Variants in SPPL2B observed in about 807,000 individuals in gnomAD.
SPPL2B encodes signal peptide peptidase-like 2B.
SPPL2B carries 39 observed loss-of-function variants against 59.7 expected under a neutral mutation model. The ratio of observed to expected loss-of-function variants is 0.65; its 90% CI spans 0.51 to 0.85. The LOEUF (loss-of-function observed/expected upper bound fraction) is 0.85. Ranked by LOEUF, SPPL2B falls within the 40% of genes least tolerant of loss-of-function variation. The pLI, the probability that SPPL2B is intolerant of heterozygous loss-of-function variation, is 0.00. For synonymous variants in SPPL2B, 419 were observed against 370.8 expected, an observed-to-expected ratio of 1.13 and a Z score of -1.49; for missense variants, 865 against 849.0, an observed-to-expected ratio of 1.02 and a Z score of -0.23.
In SPPL2B at chr19:2,344,683, C is replaced by G. The variant is rs370119472; in HGVS notation, c.1276+31C>G. 3.5e-6 allele frequency: 5 copies of G among 1,434,658 alleles called. No homozygotes were observed. The African/African-American group carries it at 7.0e-5, about 20-fold the overall frequency. The allele number at this position is 1,434,658 out of a possible 1,614,324, so 88.9% of individuals were successfully genotyped here. On this transcript the variant is annotated intron_variant, in intron 12 of 14. Transcript: ENST00000613503. Reference sequence around the variant, plus strand: ...GAGGCGGGTGGAGCACACGGGTCCACGCTGTGGGGCAGGGCCCCGGGCGGC... The same window carrying G: ...GAGGCGGGTGGAGCACACGGGTCCAGGCTGTGGGGCAGGGCCCCGGGCGGC...
intron 13 of SPPL2B, among the ~76,000 whole-genome samples, chr19:2,350,387 G>A (rs12983760): frequency 0.63 from 86,140 of 136,440 alleles, 28,546 homozygotes; most frequent in Non-Finnish European, 0.75. Context: ...ACACACACTC[G>A]CGTTCTCATT....
intron 1 of SPPL2B, 114 bp downstream of exon 1, chr19:2,328,889 G>A (rs544787565): frequency 1.9e-4 from 174 of 940,300 alleles, no homozygotes; most frequent in Non-Finnish European, 2.3e-4. Flanking sequence ...TCCAGCCTCG[G>A]GGATCCGCCG....
chr19:2,344,089 C>G, intron 10 of SPPL2B, 50 bp downstream of exon 10: 2 of 1,292,488 alleles, frequency 1.5e-6, no homozygotes, highest in Non-Finnish European at 2.1e-6. Context: ...CTCCCCCGCC[C>G]CCTCGCAACC....
Position 2,351,565 on chromosome 19 carries a change from G to A in SPPL2B, c.1486G>A (p.Gly496Ser), listed in dbSNP as rs1229983452. Residue 496 changes from glycine to serine, a missense_variant, in exon 14 of 15, where the codon GGC becomes AGC. Coordinates refer to ENST00000613503, the MANE Select transcript of SPPL2B (RefSeq NM_152988.3). ...TGTGGCGCTCTGGCGCCGGGAGCTG[G>A]GCGTGTTCTGGACGGGCAGCGGCTT... ...CAVALWRREL[G>S]VFWTGSGFAK... The A allele has an allele frequency of 6.2e-7, 1 of 1,611,282 alleles. No homozygotes were observed. Among genetic ancestry groups the A allele is most frequent in the Admixed American group, 1.7e-5 (1 of 59,988 alleles).
intron 9 of SPPL2B, 50 bp from the exon 10 acceptor site, chr19:2,343,915 G>C: frequency 3.6e-6 from 5 of 1,399,964 alleles, no homozygotes; most frequent in Non-Finnish European, 3.9e-6. Flanking sequence ...GATGGGAGTG[G>C]GGGAGGCACG....
At position 2,334,587 on chromosome 19, in the gene SPPL2B, G is replaced by T; in HGVS notation, c.67-15G>T. On this transcript the variant is annotated splice_polypyrimidine_tract_variant and intron_variant, in intron 1 of 14. Transcript: ENST00000613503. ...GTCCCGTGCTGTGGCTCTGACTGCT[G>T]GCCTTGTCCTGCAGGTGGCCTGTGA... 6.2e-7 allele frequency: 1 copy of T among 1,604,918 alleles called. No homozygotes were observed. The highest frequency in any genetic ancestry group is 8.5e-7 in the Non-Finnish European group (1 of 1,176,272).
At chr19:2,331,049 T>C (rs1043628243) in intron 1 of SPPL2B, among the ~76,000 whole-genome samples, 2 of 152,162 alleles carry the variant, frequency 1.3e-5, no homozygotes, top group Non-Finnish European at 2.9e-5. Flanking sequence ...CTCAACTCGC[T>C]TGCTTGCTAC....
Position 2,332,547 on chromosome 19 carries a change from G to A in SPPL2B, c.67-2055G>A, listed in dbSNP as rs1968340633. Among the ~76,000 whole-genome samples the A allele has an allele frequency of 1.3e-5, 2 of 152,234 alleles. No individual in the cohort carries two copies. Among genetic ancestry groups the A allele is most frequent in the Non-Finnish European group, 2.9e-5 (2 of 68,040 alleles). ...CCTGTTCCTGATGAGGCAAATGGCT[G>A]TGGCCTGTTTGTTTCCGTGACAGGT... is the stretch of plus-strand genomic sequence containing the variant. On this transcript the variant is annotated intron_variant, in intron 1 of 14. Coordinates refer to ENST00000613503, the MANE Select transcript of SPPL2B (RefSeq NM_152988.3). This position sits in a 1 kb window ranked among gnomAD's most constrained non-coding sequence, Gnocchi z 4.6.
Position 2,351,307 on chromosome 19 carries a change from A to T in SPPL2B, c.1355-127A>T, listed in dbSNP as rs920912979. The T allele has an allele frequency of 1.5e-5, 11 of 740,346 alleles. No individual in the cohort carries two copies. In the African/African-American group the frequency reaches 1.9e-4, roughly 13 times the overall value. 45.9% of individuals were successfully genotyped at this position (740,346 alleles called of 1,614,324 possible). On this transcript the variant is annotated intron_variant, in intron 13 of 14. Transcript: ENST00000613503. ...CTGTGGCCCTGCCGGCTGAACCCCC[A>T]CTGTACCTCTCCCGTCCTCGCACAC...
intron 1 of SPPL2B, among the ~76,000 whole-genome samples, chr19:2,333,218 A>G (rs1968379873): frequency 1.5e-5 from 1 of 67,718 alleles, no homozygotes; most frequent in Non-Finnish European, 2.7e-5. Context: ...GGGGAGCAGG[A>G]GGAGGGTGGG....
intron 8 of SPPL2B, chr19:2,341,764 T>C: frequency 2.7e-6 from 1 of 374,198 alleles, no homozygotes; most frequent in Non-Finnish European, 5.5e-6. Context: ...TTTTCAGTTA[T>C]TTCCAAGCCA....
In SPPL2B at chr19:2,332,256, G is replaced by A. The variant is rs1355143189; in HGVS notation, c.67-2346G>A. Among the ~76,000 whole-genome samples the A allele has an allele frequency of 6.6e-6, 1 of 152,182 alleles. No homozygotes were observed. Among genetic ancestry groups the A allele is most frequent in the Non-Finnish European group, 1.5e-5 (1 of 68,030 alleles). Reference sequence around the variant, plus strand: ...CATGCTGCCACCCCGAGGTCACCAGGGCCTTGACCCAGATGCTCCCAGACC... The same window carrying A: ...CATGCTGCCACCCCGAGGTCACCAGAGCCTTGACCCAGATGCTCCCAGACC... On this transcript the variant is annotated intron_variant, in intron 1 of 14. Coordinates refer to ENST00000613503, the MANE Select transcript of SPPL2B (RefSeq NM_152988.3). The surrounding 1 kb of genome is among the most constrained non-coding windows in gnomAD (Gnocchi z 4.6).
chr19:2,335,629 C>T (rs59593559), intron 2 of SPPL2B, among the ~76,000 whole-genome samples: 2,873 of 150,430 alleles, frequency 0.019, 38 homozygotes, highest in African/African-American at 0.067. Flanking sequence ...CCACTGCATC[C>T]TTCAGGCCCC....
At chr19:2,349,165 C>T (rs1210828877) in intron 13 of SPPL2B, among the ~76,000 whole-genome samples, 17 of 17,214 alleles carry the variant, frequency 9.9e-4, no homozygotes, top group South Asian at 2.8e-3. Context: ...CCATTCTCTC[C>T]CTCCACACAC....
Position 2,332,548 on chromosome 19 carries a change from T to C in SPPL2B, c.67-2054T>C, listed in dbSNP as rs1968340806. ...CTGTTCCTGATGAGGCAAATGGCTG[T>C]GGCCTGTTTGTTTCCGTGACAGGTC... is the stretch of plus-strand genomic sequence containing the variant. On this transcript the variant is annotated intron_variant, in intron 1 of 14. Coordinates refer to ENST00000613503, the MANE Select transcript of SPPL2B (RefSeq NM_152988.3). The surrounding 1 kb of genome is among the most constrained non-coding windows in gnomAD (Gnocchi z 4.6). Among the ~76,000 whole-genome samples the C allele has an allele frequency of 6.6e-6, 1 of 152,182 alleles. No individual in the cohort carries two copies. The highest frequency in any genetic ancestry group is 3.2e-3 in the Middle Eastern group (1 of 316).
At chr19:2,330,299 G>C (rs1398099684) in intron 1 of SPPL2B, 3 of 77,094 alleles carry the variant, frequency 3.9e-5, no homozygotes, top group African/African-American at 1.6e-4. Context: ...TTTTTTAGTA[G>C]AGACGAGGTT....
In SPPL2B at chr19:2,353,470, G is replaced by A. The variant is rs959471998; in HGVS notation, c.*261G>A. 1.9e-6 allele frequency: 1 copy of A among 526,360 alleles called. No individual in the cohort carries two copies. The highest frequency in any genetic ancestry group is 2.0e-5 in the African/African-American group (1 of 49,342). The allele number at this position is 526,360 out of a possible 1,614,324, so 32.6% of individuals were successfully genotyped here. A position where few individuals can be genotyped will look rare whatever the true frequency, so the allele number is the denominator to read the frequency against. On this transcript the variant is annotated 3_prime_UTR_variant, in exon 15 of 15. Coordinates refer to ENST00000613503, the MANE Select transcript of SPPL2B (RefSeq NM_152988.3). ...CTCTGCGGGTCCATCCTCCCCACCG[G>A]GGTCCGTCCTCGCAGGCCCTGCCCG...
intron 13 of SPPL2B, among the ~76,000 whole-genome samples, chr19:2,349,189 C>CTT (rs1568452469): frequency 2.4e-5 from 1 of 42,402 alleles, no homozygotes; most frequent in African/African-American, 1.1e-4. Context: ...CACGCGCTGT[C>CTT]ATTCGCTTGA....
At chr19:2,340,846 G>T (rs1201704473) in intron 7 of SPPL2B, 52 bp from the exon 8 acceptor site, 63 of 1,174,998 alleles carry the variant, frequency 5.4e-5, no homozygotes, top group Non-Finnish European at 7.4e-5. Context: ...GTGGGCAGTG[G>T]GATGAGGCCG....
Sources: allele counts gnomAD v4.1 joint callset (sites outside exome capture counted in the v4.1 genomes callset), GRCh38; gene constraint gnomAD v4.1.1; non-coding constraint Gnocchi (gnomAD v3.1); transcripts MANE v1.5; gene names NCBI Gene and HGNC (gene_info 2026-07-23, HGNC 2026-07-21).